Variants in PMPCA observed in about 807,000 individuals in gnomAD.
PMPCA encodes the protein peptidase, mitochondrial processing subunit alpha.
Under a neutral mutation model 59.3 loss-of-function variants are expected in PMPCA, and 47 were observed. The ratio of observed to expected loss-of-function variants is 0.79; its 90% CI spans 0.63 to 1.01. The LOEUF is 1.01. Among genes scored for constraint, PMPCA ranks in the 50% least tolerant of loss-of-function variants. The probability of loss-of-function intolerance (pLI) is 0.00; values close to 1 mark genes in which losing one functional copy is unlikely to be tolerated. For synonymous variants in PMPCA, 338 were observed against 290.3 expected (o/e 1.16, Z -1.67); for missense variants, 726 against 704.5 (o/e 1.03, Z -0.34).
rs1479352912 is a variant in PMPCA, at chr9:136,416,971, A to G, written c.654A>G (p.Thr218=). 8.1e-6 allele frequency: 13 copies of G among 1,611,658 alleles called. No homozygotes were observed. Among genetic ancestry groups the G allele is most frequent in the East Asian group, 2.2e-5 (1 of 44,894 alleles). Residue 218 remains threonine, a synonymous_variant, in exon 7 of 13, where the codon ACA becomes ACG. Coordinates refer to ENST00000371717, the MANE Select transcript of PMPCA (RefSeq NM_015160.3). ...ATTAGGCGGCTTACAGGGAGAACAC[A>G]GTTGGCCTCCACCGTTTCTGCCCCA... ...MIHEAAYREN[T]VGLHRFCPTE... is the part of the protein sequence containing the mutation.
In PMPCA at chr9:136,412,030, TG is replaced by T; in HGVS notation, c.107del (p.Gly36ValfsTer34). 6.2e-7 allele frequency: 1 copy of T among 1,613,256 alleles called. No homozygotes were observed. The highest frequency in any genetic ancestry group is 1.1e-5 in the South Asian group (1 of 91,062). ...CTCCTGCGTACAGACGGTTTAGTAGTGGTGGTGCCTATCCCAACATCCCCCT... is the reference window on the plus strand; with the variant it reads ...CTCCTGCGTACAGACGGTTTAGTAGTGTGGTGCCTATCCCAACATCCCCCT... ...GPPAYRRFSS[G>X]GAYPNIPLSS... On this transcript the variant is annotated frameshift_variant, in exon 2 of 13. Coordinates refer to ENST00000371717, the MANE Select transcript of PMPCA (RefSeq NM_015160.3). LOFTEE classifies it high-confidence loss of function.
In PMPCA at chr9:136,423,229, G is replaced by A. The variant is rs869025293; in HGVS notation, c.1543G>A (p.Gly515Arg). 3.1e-6 allele frequency: 5 copies of A among 1,613,398 alleles called. No individual in the cohort carries two copies. Among genetic ancestry groups the A allele is most frequent in the East Asian group, 2.2e-5 (1 of 44,888 alleles). ...CCAGACCGCCCTGTCGAGTAAGGAC[G>A]GGCGCCTGCCCAGGACGTACCGGCT... ...HIQTALSSKDGRLPRTYRLFR is the reference protein window; with the variant it reads ...HIQTALSSKDRRLPRTYRLFR The change falls in exon 13 of 13, where the codon GGG becomes AGG. Residue 515 changes from glycine (G) to arginine (R), a missense_variant. Gly to Arg is a moderately radical substitution (Grantham distance 125, BLOSUM62 -2). Coordinates refer to ENST00000371717, the MANE Select transcript of PMPCA (RefSeq NM_015160.3).
At chr9:136,422,199 G>C in intron 12 of PMPCA, 1 of 1,497,838 alleles carries the variant, frequency 6.7e-7, no homozygotes, top group Non-Finnish European at 9.0e-7. Flanking sequence ...CTGCCTCCTT[G>C]GCAGGTGACC....
chr9:136,418,749 C>T, intron 9 of PMPCA, 76 bp downstream of exon 9: 1 of 1,490,708 alleles, frequency 6.7e-7, no homozygotes, highest in Non-Finnish European at 9.4e-7. Flanking sequence ...AGGCCACCTT[C>T]CAGGTGACTT....
At chr9:136,418,787 G>A in intron 9 of PMPCA, 41 bp from the exon 10 acceptor site, 1 of 1,543,862 alleles carries the variant, frequency 6.5e-7, no homozygotes, top group Non-Finnish European at 9.0e-7. Flanking sequence ...GCCTGATCCT[G>A]GCGAGTCCCC....
rs1208381721 is a variant in PMPCA, at chr9:136,414,554, G to A, written c.439G>A (p.Asp147Asn). The A allele has an allele frequency of 1.2e-6, 2 of 1,606,174 alleles. No homozygotes were observed. The highest frequency in any genetic ancestry group is 1.7e-6 in the Non-Finnish European group (2 of 1,172,948). ...TTATGGGCTTGTGTTTTCTTCCAGA[G>A]ACACCACCATGTATGCTGTGTCTGC... The part of the protein sequence containing the change: ...GGICDCQTSR[D>N]TTMYAVSADS... The change falls in exon 5 of 13, where the codon GAC becomes AAC. Residue 147 changes from aspartate to asparagine, a missense_variant and splice_region_variant. Asp to Asn is a conservative substitution (Grantham distance 23, BLOSUM62 1). Coordinates refer to ENST00000371717, the MANE Select transcript of PMPCA (RefSeq NM_015160.3).
At chr9:136,422,412 G>A in intron 12 of PMPCA, 1 of 1,101,320 alleles carries the variant, frequency 9.1e-7, no homozygotes, top group South Asian at 2.3e-5. Flanking sequence ...AGTGACCTTA[G>A]GAGGTCTGAA....
At chr9:136,414,418 T>C (rs1588810354) in intron 4 of PMPCA, 135 bp from the exon 5 acceptor site, 2 of 664,140 alleles carry the variant, frequency 3.0e-6, no homozygotes, top group East Asian at 5.3e-5. Flanking sequence ...AGCCCAAGTG[T>C]CCCCTGGCTG....
chr9:136,418,762 C>G, intron 9 of PMPCA, 66 bp from the exon 10 acceptor site: 2 of 1,516,004 alleles, frequency 1.3e-6, no homozygotes, highest in Non-Finnish European at 1.8e-6. Context: ...GGTGACTTTT[C>G]TCCAGTTTCC....
intron 3 of PMPCA, 69 bp downstream of exon 3, chr9:136,412,638 A>G: frequency 1.2e-6 from 1 of 856,936 alleles, no homozygotes; most frequent in Middle Eastern, 2.2e-4. Flanking sequence ...TCTTGTCTAT[A>G]ATGGTTATTT....
Position 136,423,658 on chromosome 9 carries a change from C to A in PMPCA, c.*394C>A. 1 of 200,824 alleles carries A rather than the reference C, an allele frequency of 5.0e-6. No individual in the cohort carries two copies. Among genetic ancestry groups the A allele is most frequent in the African/African-American group, 2.3e-5 (1 of 44,106 alleles). 12.4% of individuals were successfully genotyped at this position (200,824 alleles called of 1,614,324 possible). Reference sequence around the variant, plus strand: ...CCACCGTGCTGGGTACCAGGACTCACCTCTGACAAGCAGGAGAAGGTAAGG... The same window carrying A: ...CCACCGTGCTGGGTACCAGGACTCAACTCTGACAAGCAGGAGAAGGTAAGG... On this transcript the variant is annotated 3_prime_UTR_variant, in exon 13 of 13. Coordinates refer to ENST00000371717, the MANE Select transcript of PMPCA (RefSeq NM_015160.3).
rs10870168 is a variant in PMPCA at position 136,423,628 on chromosome 9, G to A, written c.*364G>A. On this transcript the variant is annotated 3_prime_UTR_variant, in exon 13 of 13. Coordinates refer to ENST00000371717, the MANE Select transcript of PMPCA (RefSeq NM_015160.3). The stretch of plus-strand genomic sequence containing the variant: ...AAAGGCTGACCTATCAAAGCCTCCC[G>A]GAGGCCACCGTGCTGGGTACCAGGA... 7,962 of 249,604 alleles carry A rather than the reference G, an allele frequency of 0.032. 224 individuals carry two copies. Among genetic ancestry groups the A allele is most frequent in the East Asian group, 0.1 (1,112 of 11,090 alleles). 15.5% of individuals were successfully genotyped at this position (249,604 alleles called of 1,614,324 possible).
Position 136,422,867 on chromosome 9 carries a change from A to G in PMPCA, c.1409-228A>G, listed in dbSNP as rs1475817766. 2.9e-6 allele frequency: 4 copies of G among 1,362,434 alleles called. No individual in the cohort carries two copies. The African/African-American group carries it at 4.4e-5, about 15-fold the overall frequency. 84.4% of individuals were successfully genotyped at this position (1,362,434 alleles called of 1,614,324 possible). The stretch of plus-strand genomic sequence containing the variant: ...CTCTTCTTGGGTGGCTTTGTCCTAT[A>G]TTTTTAAGTCATTGCCATGTCCCCA... On this transcript the variant is annotated intron_variant, in intron 12 of 12. Coordinates refer to ENST00000371717, the MANE Select transcript of PMPCA (RefSeq NM_015160.3).
chr9:136,423,442 A>T lies in PMPCA; in HGVS notation c.*178A>T, dbSNP rs1422470382. On this transcript the variant is annotated 3_prime_UTR_variant, in exon 13 of 13. Transcript: ENST00000371717. The stretch of plus-strand genomic sequence containing the variant: ...TGGAACTCAATGTGCCGATCAGTGG[A>T]GTCAGTATCGAGCCTGACCACCGCA... 7.7e-6 allele frequency: 5 copies of T among 649,326 alleles called. No individual in the cohort carries two copies. Among genetic ancestry groups the T allele is most frequent in the Non-Finnish European group, 1.3e-5 (5 of 383,434 alleles). 40.2% of individuals were successfully genotyped at this position (649,326 alleles called of 1,614,324 possible). A position where few individuals can be genotyped will look rare whatever the true frequency, so the allele number is the denominator to read the frequency against.
Position 136,412,589 on chromosome 9 carries a change from A to AT in PMPCA, c.354+26dup, listed in dbSNP as rs1367874539. ...TTTTCGGTCAGTACCCAGTTTTGTAATTTTTTAGACTATACTTTTGAAGGA... is the reference window on the plus strand; with the variant it reads ...TTTTCGGTCAGTACCCAGTTTTGTAATTTTTTTAGACTATACTTTTGAAGGA... On this transcript the variant is annotated intron_variant, in intron 3 of 12. Coordinates refer to ENST00000371717, the MANE Select transcript of PMPCA (RefSeq NM_015160.3). 3.8e-6 allele frequency: 5 copies of AT among 1,305,050 alleles called. No individual in the cohort carries two copies. Among genetic ancestry groups the AT allele is most frequent in the Middle Eastern group, 3.7e-4 (2 of 5,430 alleles). 80.8% of individuals were successfully genotyped at this position (1,305,050 alleles called of 1,614,324 possible). A position where few individuals can be genotyped will look rare whatever the true frequency, so the allele number is the denominator to read the frequency against.
chr9:136,418,591 A>G lies in PMPCA; in HGVS notation c.1027A>G (p.Met343Val). The change falls in exon 9 of 13, where the codon ATG (methionine) becomes GTG (valine). Residue 343 changes from methionine (M) to valine (V), a missense_variant. Coordinates refer to ENST00000371717, the MANE Select transcript of PMPCA (RefSeq NM_015160.3). ...DFIPFAVLNMMMGGGGSFSAG... is the reference protein window; with the variant it reads ...DFIPFAVLNMVMGGGGSFSAG... ...CATCCCCTTTGCAGTGTTGAACATG[A>G]TGATGGGCGGAGGTGGCTCCTTCTC... 6.2e-7 allele frequency: 1 copy of G among 1,613,692 alleles called. No individual in the cohort carries two copies. The highest frequency in any genetic ancestry group is 8.5e-7 in the Non-Finnish European group (1 of 1,179,646).
chr9:136,422,950 C>T (rs1328180983), intron 12 of PMPCA, 145 bp from the exon 13 acceptor site: 2 of 1,444,344 alleles, frequency 1.4e-6, no homozygotes, highest in Admixed American at 2.6e-5. Context: ...CACCCAGTGG[C>T]TGCCTTTGGG....
chr9:136,412,253 T>C, intron 2 of PMPCA, 54 bp downstream of exon 2: 1 of 1,233,092 alleles, frequency 8.1e-7, no homozygotes, highest in South Asian at 1.2e-5. Flanking sequence ...ATGCACATGC[T>C]TTAGTTGACT....
At chr9:136,412,670 A>C in intron 3 of PMPCA, 101 bp downstream of exon 3, 1 of 784,028 alleles carries the variant, frequency 1.3e-6, no homozygotes, top group South Asian at 1.6e-5. Context: ...CAAGTTGCTA[A>C]GTTAATGTTA....
Sources: allele counts gnomAD v4.1 joint callset, GRCh38; gene constraint gnomAD v4.1.1; transcripts MANE v1.5; gene names NCBI Gene and HGNC (gene_info 2026-07-23, HGNC 2026-07-21).